Variants in ROBO2 observed in about 807,000 individuals in gnomAD.
ROBO2 encodes roundabout guidance receptor 2.
Under a neutral mutation model 160.8 loss-of-function variants are expected in ROBO2, and 53 were observed. That is an observed-to-expected ratio of 0.33 (90% confidence interval 0.26 to 0.41). The LOEUF (loss-of-function observed/expected upper bound fraction) is 0.41, where lower values mean the gene tolerates loss of function less well. ROBO2 is among the 10% of genes least tolerant of loss of function. ROBO2 has a pLI of 1.00. For missense variants in ROBO2, 1,577 were observed against 1,722.4 expected (o/e 0.92, Z 1.49); for synonymous variants, 664 against 611.7 (o/e 1.09, Z -1.26).
At chr3:76,856,451 C>T (rs1313588481) in intron 2 of ROBO2, among the ~76,000 whole-genome samples, 3 of 152,298 alleles carry the variant, frequency 2.0e-5, no homozygotes, top group Admixed American at 6.5e-5. Context: ...GCACCTATAA[C>T]CTACTCATTT....
At chr3:77,616,957 T>C (rs2094793438) in intron 21 of ROBO2, among the ~76,000 whole-genome samples, 2 of 152,166 alleles carry the variant, frequency 1.3e-5, no homozygotes, top group African/African-American at 4.8e-5. Flanking sequence ...GATGACAAGA[T>C]AAAGAGGACA....
intron 1 of ROBO2, among the ~76,000 whole-genome samples, chr3:75,936,782 T>A (rs889727205): frequency 6.6e-6 from 1 of 151,998 alleles, no homozygotes; most frequent in African/African-American, 2.4e-5. Flanking sequence ...TTTTCATATA[T>A]CAATATGAAA....
At chr3:76,049,124 C>T (rs915665019) in intron 2 of ROBO2, among the ~76,000 whole-genome samples, 5 of 151,990 alleles carry the variant, frequency 3.3e-5, no homozygotes, top group Non-Finnish European at 7.4e-5. Context: ...GTTTTGGCAA[C>T]TTCTTATTTT....
chr3:77,557,614 T>TAATTTA (rs139344286), intron 8 of ROBO2, among the ~76,000 whole-genome samples: 2 of 151,890 alleles, frequency 1.3e-5, no homozygotes, highest in Non-Finnish European at 2.9e-5. Context: ...ATTCAAATTT[T>TAATTTA]AATTTTAATA....
intron 2 of ROBO2, among the ~76,000 whole-genome samples, chr3:77,451,265 G>C (rs938493637): frequency 6.6e-6 from 1 of 152,018 alleles, no homozygotes; most frequent in South Asian, 2.1e-4. Flanking sequence ...GAATTTTAAA[G>C]TTTGAAAAAT....
rs564505084 is a variant in ROBO2 at position 75,947,658 on chromosome 3, T to C, written c.109+10056T>C. ...ATTATGTCAACTGAAGTGTGTAGGG[T>C]AGAGAATTTAAGCCTGAGTATAACA... On this transcript the variant is annotated intron_variant, in intron 2 of 26. Transcript: ENST00000487694. Among the ~76,000 whole-genome samples, 19 of 152,096 alleles carry C rather than the reference T, an allele frequency of 1.2e-4. No individual in the cohort carries two copies. In the East Asian group the frequency reaches 3.7e-3, roughly 29 times the overall value.
intron 2 of ROBO2, among the ~76,000 whole-genome samples, chr3:77,318,301 T>C (rs570980009): frequency 1.3e-5 from 2 of 152,302 alleles, no homozygotes; most frequent in South Asian, 4.1e-4. Flanking sequence ...CCCAAAGTAC[T>C]GGGATTACAG....
chr3:77,390,054 T>G (rs999487308), intron 2 of ROBO2, among the ~76,000 whole-genome samples: 1 of 152,150 alleles, frequency 6.6e-6, no homozygotes, highest in African/African-American at 2.4e-5. Context: ...AGGAAACAGA[T>G]TTTCCAAATA....
chr3:76,614,748 G>A (rs916594060), intron 2 of ROBO2, among the ~76,000 whole-genome samples: 1 of 152,050 alleles, frequency 6.6e-6, no homozygotes, highest in Non-Finnish European at 1.5e-5. Flanking sequence ...AATTCAAATT[G>A]GCTAATAAAT....
intron 2 of ROBO2, among the ~76,000 whole-genome samples, chr3:77,348,763 C>T (rs1279954650): frequency 1.3e-5 from 2 of 152,130 alleles, no homozygotes; most frequent in Admixed American, 6.6e-5. Context: ...CTAATCCTGC[C>T]CTTGCCTTCA....
chr3:77,157,796 T>C (rs2078143317), intron 2 of ROBO2, among the ~76,000 whole-genome samples: 1 of 152,066 alleles, frequency 6.6e-6, no homozygotes, highest in South Asian at 2.1e-4. Flanking sequence ...ATTATCTATA[T>C]TTTATTCTGG....
At chr3:76,965,988 T>C (rs2059273483) in intron 2 of ROBO2, among the ~76,000 whole-genome samples, 1 of 148,044 alleles carries the variant, frequency 6.8e-6, no homozygotes, top group Non-Finnish European at 1.5e-5. Flanking sequence ...AATGGCGCGA[T>C]CTTGGCTCAC....
chr3:77,370,116 T>C (rs1046958378), intron 2 of ROBO2, among the ~76,000 whole-genome samples: 41 of 152,286 alleles, frequency 2.7e-4, no homozygotes, highest in African/African-American at 9.6e-4. Flanking sequence ...TGGATTGTTA[T>C]AACAAAAGTG....
intron 2 of ROBO2, among the ~76,000 whole-genome samples, chr3:76,625,755 C>T (rs558431120): frequency 1.3e-4 from 20 of 152,168 alleles, no homozygotes; most frequent in Admixed American, 1.0e-3. Context: ...GGAAGCGCAA[C>T]GTTGTGGGGG....
At chr3:76,175,561 G>C (rs1411254375) in intron 2 of ROBO2, among the ~76,000 whole-genome samples, 2 of 152,022 alleles carry the variant, frequency 1.3e-5, no homozygotes, top group Non-Finnish European at 2.9e-5. Flanking sequence ...ACCTCAGCTA[G>C]AGAAAGATGG....
At chr3:76,664,369 A>T (rs575198448) in intron 2 of ROBO2, among the ~76,000 whole-genome samples, 83 of 152,292 alleles carry the variant, frequency 5.5e-4, no homozygotes, top group African/African-American at 1.7e-3. Flanking sequence ...CATTGATACC[A>T]GGAAGAATCA....
intron 22 of ROBO2, chr3:77,618,004 T>TAACTAGAACTAGAACTAA (rs1265821155): frequency 1.1e-5 from 6 of 550,934 alleles, no homozygotes; most frequent in Non-Finnish European, 1.6e-5. Context: ...ACTGTAACTG[T>TAACTAGAACTAGAACTAA]AACTAGAACT....
chr3:76,410,391 G>A (rs978077407), intron 2 of ROBO2, among the ~76,000 whole-genome samples: 30 of 152,058 alleles, frequency 2.0e-4, no homozygotes, highest in African/African-American at 7.0e-4. Context: ...CTAAAGGCAT[G>A]CTTTTATCAC....
chr3:77,149,949 A>T (rs1560112677), intron 2 of ROBO2, among the ~76,000 whole-genome samples: 1 of 152,174 alleles, frequency 6.6e-6, no homozygotes, highest in Non-Finnish European at 1.5e-5. Context: ...TAACAGGAAA[A>T]TTGATGAAAA....
Sources: allele counts gnomAD v4.1 joint callset (sites outside exome capture counted in the v4.1 genomes callset), GRCh38; gene constraint gnomAD v4.1.1; transcripts MANE v1.5; gene names NCBI Gene and HGNC (gene_info 2026-07-23, HGNC 2026-07-21).